Variants in SLC9A2 observed in about 807,000 individuals in gnomAD.
The protein encoded by SLC9A2 is sodium/hydrogen exchanger 2.
In SLC9A2, 42 loss-of-function variants were observed where a neutral mutation model predicts 71.7. That is an observed-to-expected ratio of 0.59 (90% CI 0.46 to 0.76). The LOEUF is 0.76. SLC9A2 is among the 30% of genes least tolerant of loss of function. SLC9A2 has a pLI of 0.00. For synonymous variants in SLC9A2, 396 were observed against 392.5 expected (o/e 1.01, Z -0.10); for missense variants, 829 against 1,017.4 (o/e 0.81, Z 2.52).
intron 1 of SLC9A2, among the ~76,000 whole-genome samples, chr2:102,635,888 CTTTTTTTTT>C (rs35453859): frequency 1.4e-5 from 2 of 145,086 alleles, no homozygotes; most frequent in Middle Eastern, 3.6e-3. Context: ...ATAATTTTTT[CTTTTTTTTT>C]TTTTGATCTT....
At chr2:102,646,925 G>A (rs1355622900) in intron 1 of SLC9A2, among the ~76,000 whole-genome samples, 2 of 151,900 alleles carry the variant, frequency 1.3e-5, no homozygotes, top group Admixed American at 6.6e-5. Context: ...AAATTAACAA[G>A]GATAGTCAGG....
intron 5 of SLC9A2, among the ~76,000 whole-genome samples, chr2:102,690,722 G>C (rs1573430277): frequency 6.6e-6 from 1 of 152,168 alleles, no homozygotes; most frequent in African/African-American, 2.4e-5. Context: ...CCCATTCTAA[G>C]ATAAACACTG....
In SLC9A2 at chr2:102,648,928, A is replaced by G. The variant is rs548712172; in HGVS notation, c.290-8636A>G. Among the ~76,000 whole-genome samples, 235 of 152,338 alleles carry G rather than the reference A, an allele frequency of 1.5e-3. 2 individuals carry two copies. The highest frequency in any genetic ancestry group is 3.1e-3 in the Admixed American group (48 of 15,298). Reference sequence around the variant, plus strand: ...ACTGCCCAAAGTAATTTATAGATTCAATGCTATCCCCATCAAGCTACCATT... The same window carrying G: ...ACTGCCCAAAGTAATTTATAGATTCGATGCTATCCCCATCAAGCTACCATT... On this transcript the variant is annotated intron_variant, in intron 1 of 11. Coordinates refer to ENST00000233969, the MANE Select transcript of SLC9A2 (RefSeq NM_003048.6).
intron 7 of SLC9A2, among the ~76,000 whole-genome samples, chr2:102,698,177 C>T (rs1001766966): frequency 4.6e-5 from 7 of 152,090 alleles, no homozygotes; most frequent in Non-Finnish European, 7.4e-5. Flanking sequence ...ATGGGCCTAA[C>T]ATAAAACTCC....
intron 2 of SLC9A2, among the ~76,000 whole-genome samples, chr2:102,659,075 C>A (rs1289005398): frequency 6.6e-6 from 1 of 152,002 alleles, no homozygotes; most frequent in Non-Finnish European, 1.5e-5. Flanking sequence ...TTTTTAATTC[C>A]CTCTCCATTT....
intron 4 of SLC9A2, 121 bp from the exon 5 acceptor site, chr2:102,684,013 G>A: frequency 1.4e-6 from 1 of 696,388 alleles, no homozygotes; most frequent in Non-Finnish European, 2.5e-6. Flanking sequence ...AAAGGGGAAA[G>A]ACTTTGGGGC....
In SLC9A2 at chr2:102,619,986, T is replaced by G; in HGVS notation, c.138T>G (p.Ser46Arg). 1 of 1,613,912 alleles carries G rather than the reference T, an allele frequency of 6.2e-7. No individual in the cohort carries two copies. Among genetic ancestry groups the G allele is most frequent in the Admixed American group, 1.7e-5 (1 of 60,000 alleles). Reference protein sequence around the residue: ...LLNAPRAMGTSSSPPSPASVV... With the variant: ...LLNAPRAMGTRSSPPSPASVV... ...ACGCGCCGAGGGCCATGGGCACCAG[T>G]TCCAGCCCGCCTAGCCCTGCGAGCG... is the stretch of plus-strand genomic sequence containing the variant. Residue 46 changes from serine to arginine, a missense_variant, in exon 1 of 12, where the codon AGT becomes AGG. Physicochemically the swap from Ser to Arg is moderately radical, Grantham distance 110. Coordinates refer to ENST00000233969, the MANE Select transcript of SLC9A2 (RefSeq NM_003048.6). This position sits in a 1 kb window ranked among gnomAD's most constrained non-coding sequence, Gnocchi z 4.3.
At chr2:102,627,128 G>A (rs6543171) in intron 1 of SLC9A2, among the ~76,000 whole-genome samples, 1,625 of 131,460 alleles carry the variant, frequency 0.012, 23 homozygotes, top group African/African-American at 0.043. Flanking sequence ...TCTTCAAAAT[G>A]TTAACAACAA....
chr2:102,701,173 G>A lies in SLC9A2; in HGVS notation c.1690G>A (p.Ala564Thr), dbSNP rs1677866686. The change falls in exon 8 of 12, where the codon GCC becomes ACC. Residue 564 changes from alanine to threonine, a missense_variant. Physicochemically the swap from Ala to Thr is moderately conservative, Grantham distance 58 (BLOSUM62 0). Coordinates refer to ENST00000233969, the MANE Select transcript of SLC9A2 (RefSeq NM_003048.6). The stretch of plus-strand genomic sequence containing the variant: ...ATATAAAAAGCTTGAAATAAAACAT[G>A]CCATTGAGATGGCAGAGACTGGGAT... Reference protein sequence around the residue: ...SLYKKLEIKHAIEMAETGMIS... With the variant: ...SLYKKLEIKHTIEMAETGMIS... 3 of 1,611,472 alleles carry A rather than the reference G, an allele frequency of 1.9e-6. No homozygotes were observed. The highest frequency in any genetic ancestry group is 3.4e-5 in the Admixed American group (2 of 59,498).
intron 3 of SLC9A2, among the ~76,000 whole-genome samples, chr2:102,666,482 C>A (rs1161529958): frequency 1.3e-5 from 2 of 152,164 alleles, no homozygotes; most frequent in Non-Finnish European, 2.9e-5. Flanking sequence ...CAGGTGTGAG[C>A]CACCGCGCCC....
At chr2:102,693,590 C>G (rs921029300) in intron 5 of SLC9A2, among the ~76,000 whole-genome samples, 7 of 152,180 alleles carry the variant, frequency 4.6e-5, no homozygotes, top group Non-Finnish European at 5.9e-5. Context: ...GCCGCAAGCC[C>G]CCTCTCACTG....
In SLC9A2 at chr2:102,692,194, T is replaced by C. The variant is rs370514032; in HGVS notation, c.1426-2220T>C. 4.6e-5 allele frequency among the ~76,000 whole-genome samples: 7 copies of C among 152,232 alleles called. No homozygotes were observed. The South Asian group carries it at 1.4e-3, about 32-fold the overall frequency. ...GTTATCTCAAAGTAGCAGACTGAAA[T>C]ACAAATAGAACACAAGATGTGTTTT... On this transcript the variant is annotated intron_variant, in intron 5 of 11. Coordinates refer to ENST00000233969, the MANE Select transcript of SLC9A2 (RefSeq NM_003048.6).
intron 1 of SLC9A2, among the ~76,000 whole-genome samples, chr2:102,620,470 C>T (rs1386053826): frequency 6.6e-6 from 1 of 152,172 alleles, no homozygotes; most frequent in Non-Finnish European, 1.5e-5. Flanking sequence ...GTACCAGTCT[C>T]ACCTGCAGGG....
At chr2:102,690,061 G>A (rs1677628723) in intron 5 of SLC9A2, among the ~76,000 whole-genome samples, 1 of 151,842 alleles carries the variant, frequency 6.6e-6, no homozygotes, top group African/African-American at 2.4e-5. Flanking sequence ...AATTATTGAG[G>A]GTATAAACAT....
At chr2:102,648,591 A>T (rs997990503) in intron 1 of SLC9A2, among the ~76,000 whole-genome samples, 1 of 152,192 alleles carries the variant, frequency 6.6e-6, no homozygotes, top group Non-Finnish European at 1.5e-5. Context: ...ATATTTTGAA[A>T]TCCCCATCCC....
At chr2:102,643,347 A>C (rs1440579337) in intron 1 of SLC9A2, among the ~76,000 whole-genome samples, 1 of 152,220 alleles carries the variant, frequency 6.6e-6, no homozygotes. Context: ...TAAACAGCCC[A>C]TTCAGACTTT....
intron 5 of SLC9A2, 47 bp downstream of exon 5, chr2:102,684,383 G>A: frequency 6.5e-7 from 1 of 1,534,254 alleles, no homozygotes; most frequent in Non-Finnish European, 9.0e-7. Context: ...ATATCGTTCA[G>A]AATATTGGAT....
intron 1 of SLC9A2, among the ~76,000 whole-genome samples, chr2:102,646,954 G>A (rs138651554): frequency 1.4e-3 from 208 of 151,908 alleles, no homozygotes; most frequent in Middle Eastern, 3.4e-3. Flanking sequence ...TCAGCTCTGG[G>A]CAAAGCAGAC....
chr2:102,640,503 A>G (rs1332642755), intron 1 of SLC9A2, among the ~76,000 whole-genome samples: 1 of 152,220 alleles, frequency 6.6e-6, no homozygotes, highest in Non-Finnish European at 1.5e-5. Context: ...CATTTGCTAT[A>G]ATAGCTCACA....
Sources: gnomAD v4.1 joint callset for allele counts (sites outside exome capture counted in the v4.1 genomes callset) on GRCh38, gnomAD v4.1.1 for gene constraint, Gnocchi (gnomAD v3.1) non-coding constraint, MANE v1.5 for transcripts, NCBI Gene and HGNC (gene_info 2026-07-23, HGNC 2026-07-21) for gene names.